Variants in CCSER1 observed in about 807,000 individuals in gnomAD.
The protein encoded by CCSER1 is serine-rich coiled-coil domain-containing protein 1.
CCSER1 carries 41 observed loss-of-function variants against 82.0 expected under a neutral mutation model. That is an observed-to-expected ratio of 0.50 (90% CI 0.39 to 0.65). The LOEUF is 0.65. CCSER1 is among the 30% of genes least tolerant of loss of function. The probability of loss-of-function intolerance (pLI) is 0.00; values close to 1 mark genes in which losing one functional copy is unlikely to be tolerated. For missense variants in CCSER1, 1,119 were observed against 1,064.2 expected (o/e 1.05, Z -0.72); for synonymous variants, 414 against 383.9 (o/e 1.08, Z -0.92).
intron 1 of CCSER1, among the ~76,000 whole-genome samples, chr4:90,259,758 A>G (rs943132646): frequency 1.3e-5 from 2 of 152,128 alleles, no homozygotes; most frequent in African/African-American, 4.8e-5. Context: ...GATATATCAC[A>G]TTTATTGACT....
chr4:91,353,286 G>A (rs1179395341), intron 10 of CCSER1, among the ~76,000 whole-genome samples: 1 of 141,312 alleles, frequency 7.1e-6, no homozygotes, highest in African/African-American at 2.5e-5. Flanking sequence ...CACATGAAAG[G>A]GTCGTGATTG....
At chr4:91,470,787 A>G (rs1007039173) in intron 10 of CCSER1, among the ~76,000 whole-genome samples, 6 of 152,180 alleles carry the variant, frequency 3.9e-5, no homozygotes, top group Non-Finnish European at 8.8e-5. Flanking sequence ...AGGGATAGTC[A>G]TAAGACCTCT....
chr4:90,384,969 G>A (rs773320215), intron 3 of CCSER1, among the ~76,000 whole-genome samples: 2 of 152,126 alleles, frequency 1.3e-5, no homozygotes, highest in Non-Finnish European at 2.9e-5. Context: ...CAACTTATAA[G>A]TGAGAATATG....
chr4:90,416,528 A>G (rs80076531), intron 4 of CCSER1, among the ~76,000 whole-genome samples: 2,713 of 152,260 alleles, frequency 0.018, 48 homozygotes, highest in African/African-American at 0.036. Context: ...ATATAATCCT[A>G]TCTAAATGAG....
intron 10 of CCSER1, among the ~76,000 whole-genome samples, chr4:91,237,905 T>C (rs1739142103): frequency 6.6e-6 from 1 of 152,338 alleles, no homozygotes; most frequent in Non-Finnish European, 1.5e-5. Flanking sequence ...ACTAAAAGTA[T>C]TCCAAAAGGA....
intron 5 of CCSER1, among the ~76,000 whole-genome samples, chr4:90,583,805 A>AT (rs574137281): frequency 0.012 from 1,826 of 151,506 alleles, 15 homozygotes; most frequent in Non-Finnish European, 0.016. Flanking sequence ...AAAAAAACTG[A>AT]TTTTTTTTTC....
intron 6 of CCSER1, among the ~76,000 whole-genome samples, chr4:90,664,853 T>C (rs1048863186): frequency 6.6e-6 from 1 of 151,668 alleles, no homozygotes; most frequent in African/African-American, 2.4e-5. Flanking sequence ...TGAGCCGAGA[T>C]CACACCATTG....
intron 10 of CCSER1, among the ~76,000 whole-genome samples, chr4:91,515,162 G>T (rs1276545879): frequency 6.6e-6 from 1 of 151,894 alleles, no homozygotes; most frequent in African/African-American, 2.4e-5. Flanking sequence ...AATCTAAGGG[G>T]GATTTCTTAT....
chr4:91,299,899 C>T (rs1744534500), intron 10 of CCSER1, among the ~76,000 whole-genome samples: 1 of 151,610 alleles, frequency 6.6e-6, no homozygotes, highest in South Asian at 2.1e-4. Context: ...AAATGAACGA[C>T]TTGCTACTCT....
chr4:90,710,143 C>A (rs1740270177), intron 6 of CCSER1, among the ~76,000 whole-genome samples: 1 of 151,618 alleles, frequency 6.6e-6, no homozygotes, highest in Non-Finnish European at 1.5e-5. Context: ...TGTTTGTTTT[C>A]TTCTTGTAAA....
At chr4:91,398,610 A>G (rs1752134969) in intron 10 of CCSER1, among the ~76,000 whole-genome samples, 1 of 151,906 alleles carries the variant, frequency 6.6e-6, no homozygotes, top group Non-Finnish European at 1.5e-5. Flanking sequence ...AGCATAGTGT[A>G]GGGGAAATTA....
chr4:91,526,069 C>T (rs1760748743), intron 10 of CCSER1, among the ~76,000 whole-genome samples: 1 of 152,156 alleles, frequency 6.6e-6, no homozygotes, highest in South Asian at 2.1e-4. Flanking sequence ...TGTAGAGAAT[C>T]TCCTTTTCCC....
intron 5 of CCSER1, among the ~76,000 whole-genome samples, chr4:90,579,845 A>G (rs912007325): frequency 6.6e-6 from 1 of 152,190 alleles, no homozygotes; most frequent in Admixed American, 6.5e-5. Context: ...CTGGAGAGTA[A>G]TTTCATTCAT....
chr4:90,529,218 A>AT (rs1255662754), intron 5 of CCSER1, among the ~76,000 whole-genome samples: 1 of 151,566 alleles, frequency 6.6e-6, no homozygotes, highest in African/African-American at 2.4e-5. Context: ...TATTTATTTT[A>AT]TTTTTTATTT....
At chr4:90,183,409 G>C (rs150131502) in intron 1 of CCSER1, among the ~76,000 whole-genome samples, 42 of 152,190 alleles carry the variant, frequency 2.8e-4, no homozygotes, top group African/African-American at 8.7e-4. Context: ...TTTATAAAAG[G>C]AGAAGGGTGG....
At chr4:91,229,052 T>A (rs1738419234) in intron 10 of CCSER1, among the ~76,000 whole-genome samples, 1 of 152,126 alleles carries the variant, frequency 6.6e-6, no homozygotes, top group South Asian at 2.1e-4. Context: ...GGGCCAATGA[T>A]AAATCACATT....
chr4:90,662,376 TTATAC>T (rs960316949), intron 6 of CCSER1, among the ~76,000 whole-genome samples: 38 of 152,104 alleles, frequency 2.5e-4, no homozygotes, highest in African/African-American at 8.7e-4. Context: ...GGTCTGCTAC[TTATAC>T]TATATTATAT....
intron 5 of CCSER1, among the ~76,000 whole-genome samples, chr4:90,602,801 G>A (rs1784186184): frequency 6.6e-6 from 1 of 152,142 alleles, no homozygotes; most frequent in African/African-American, 2.4e-5. Flanking sequence ...TCACTGAGAA[G>A]GAACAAGTGT....
intron 10 of CCSER1, among the ~76,000 whole-genome samples, chr4:91,166,770 G>C (rs185621860): frequency 2.0e-5 from 3 of 150,406 alleles, no homozygotes; most frequent in Non-Finnish European, 4.4e-5. Context: ...AGAGAACTTT[G>C]AAAGATTTAC....
Sources: allele counts gnomAD v4.1 joint callset (sites outside exome capture counted in the v4.1 genomes callset), GRCh38; gene constraint gnomAD v4.1.1; transcripts MANE v1.5; gene names NCBI Gene and HGNC (gene_info 2026-07-23, HGNC 2026-07-21).